CDH4: variants seen among roughly 807,000 people sequenced by gnomAD.
CDH4 encodes the protein cadherin-4.
A neutral mutation model predicts 86.0 loss-of-function variants in CDH4; 33 were observed. The observed-to-expected ratio is 0.38, with a 90% CI of 0.29 to 0.51. The LOEUF (loss-of-function observed/expected upper bound fraction) is 0.51. CDH4 is among the 20% of genes least tolerant of loss of function. The pLI is 0.86. For missense variants in CDH4, 1,114 were observed against 1,307.4 expected (o/e 0.85, Z 2.28); for synonymous variants, 555 against 549.4 (o/e 1.01, Z -0.14).
At chr20:61,645,536 G>A (rs2087052413) in intron 2 of CDH4, among the ~76,000 whole-genome samples, 2 of 152,022 alleles carry the variant, frequency 1.3e-5, no homozygotes, top group South Asian at 2.1e-4. Context: ...GGAGGCTGAG[G>A]CAGGAGGATA....
intron 4 of CDH4, among the ~76,000 whole-genome samples, chr20:61,817,988 T>C (rs1358502980): frequency 6.6e-6 from 1 of 152,070 alleles, no homozygotes; most frequent in East Asian, 1.9e-4. Flanking sequence ...GCCTCACACC[T>C]GGGGCAGCTG....
At chr20:61,752,853 G>A (rs932205433) in intron 3 of CDH4, among the ~76,000 whole-genome samples, 2 of 152,176 alleles carry the variant, frequency 1.3e-5, no homozygotes, top group Non-Finnish European at 2.9e-5. Flanking sequence ...CAGAGTTACA[G>A]TCGGTTGAGG....
chr20:61,819,407 G>A (rs778058478), intron 4 of CDH4, among the ~76,000 whole-genome samples: 2 of 152,236 alleles, frequency 1.3e-5, no homozygotes, highest in South Asian at 2.1e-4. Flanking sequence ...CCATGCATTC[G>A]CTCGCTCTGC....
rs1223512813 is a variant in CDH4, at chr20:61,810,676, C to T, written c.577-33992C>T. Reference sequence around the variant, plus strand: ...CAGGAACCACTCCAGGGCTATAAAACATTTAATTTTGGAAAAAATCAGTAC... The same window carrying T: ...CAGGAACCACTCCAGGGCTATAAAATATTTAATTTTGGAAAAAATCAGTAC... On this transcript the variant is annotated intron_variant, in intron 4 of 15. Transcript: ENST00000614565. This position sits in a 1 kb window ranked among gnomAD's most constrained non-coding sequence, Gnocchi z 4.3. 6.6e-6 allele frequency among the ~76,000 whole-genome samples: 1 copy of T among 152,216 alleles called. No homozygotes were observed. The highest frequency in any genetic ancestry group is 1.5e-5 in the Non-Finnish European group (1 of 68,046).
Position 61,480,568 on chromosome 20 carries a change from C to T in CDH4, c.169+225631C>T, listed in dbSNP as rs560960494. Among the ~76,000 whole-genome samples the T allele has an allele frequency of 2.0e-5, 3 of 152,320 alleles. No homozygotes were observed. Among genetic ancestry groups the T allele is most frequent in the Non-Finnish European group, 4.4e-5 (3 of 68,020 alleles). On this transcript the variant is annotated intron_variant, in intron 2 of 15. Coordinates refer to ENST00000614565, the MANE Select transcript of CDH4 (RefSeq NM_001794.5). This position sits in a 1 kb window ranked among gnomAD's most constrained non-coding sequence, Gnocchi z 5.2. Reference sequence around the variant, plus strand: ...AGTGGCAGCGAATCCCCGTCCTGACCGGGGCCTGGTGGCTGGCTGCCTGCT... The same window carrying T: ...AGTGGCAGCGAATCCCCGTCCTGACTGGGGCCTGGTGGCTGGCTGCCTGCT...
chr20:61,887,908 G>A (rs1402524116), intron 7 of CDH4, among the ~76,000 whole-genome samples: 1 of 152,226 alleles, frequency 6.6e-6, no homozygotes, highest in East Asian at 1.9e-4. Context: ...GGTGGCCGAG[G>A]GGGGCCGGTG....
chr20:61,318,242 T>C (rs753104892), intron 2 of CDH4, among the ~76,000 whole-genome samples: 15 of 152,204 alleles, frequency 9.9e-5, no homozygotes, highest in Non-Finnish European at 1.8e-4. Flanking sequence ...CTCTCCCGTA[T>C]GTTCCTCTCC....
chr20:61,296,181 AGTGTGTGC>A (rs139789898), intron 2 of CDH4, among the ~76,000 whole-genome samples: 4,051 of 151,746 alleles, frequency 0.027, 131 homozygotes, highest in East Asian at 0.13. Context: ...AATAAGTATG[AGTGTGTGC>A]GTGTGTGTGT....
chr20:61,271,246 G>A (rs1008866272), intron 2 of CDH4, among the ~76,000 whole-genome samples: 4 of 152,114 alleles, frequency 2.6e-5, no homozygotes, highest in African/African-American at 9.7e-5. Context: ...GCTTTACTTG[G>A]GATGCAAGTT....
At chr20:61,482,916 A>G (rs1000323) in intron 2 of CDH4, among the ~76,000 whole-genome samples, 52,648 of 152,128 alleles carry the variant, frequency 0.35, 11,113 homozygotes, top group Admixed American at 0.49. Flanking sequence ...CCCATTTTAC[A>G]GATCAAGAAG....
chr20:61,353,672 CCCTCCTCCTCCCCCTCCT>C (rs2084728383), intron 2 of CDH4, among the ~76,000 whole-genome samples: 2 of 21,556 alleles, frequency 9.3e-5, no homozygotes, highest in Non-Finnish European at 1.6e-4. Flanking sequence ...CTCCTCTTCC[CCCTCCTCCTCCCCCTCCT>C]CCTCCCCTCC....
intron 11 of CDH4, 47 bp from the exon 12 acceptor site, chr20:61,928,143 T>C (rs368483928): frequency 1.1e-5 from 16 of 1,462,232 alleles, no homozygotes; most frequent in South Asian, 7.9e-5. Context: ...GGGTTGGTCA[T>C]GGAGTACCAG....
intron 2 of CDH4, among the ~76,000 whole-genome samples, chr20:61,280,428 G>A (rs753509588): frequency 1.1e-4 from 17 of 152,228 alleles, no homozygotes; most frequent in South Asian, 6.2e-4. Context: ...GGTGTAGGCC[G>A]CGGCACACAC....
At position 61,565,321 on chromosome 20, in the gene CDH4, G is replaced by C. The variant is rs6121691; in HGVS notation, c.170-178242G>C. 4.1e-4 allele frequency among the ~76,000 whole-genome samples: 41 copies of C among 100,306 alleles called. 8 individuals are homozygous for C. Among genetic ancestry groups the C allele is most frequent in the Non-Finnish European group, 5.6e-4 (24 of 43,234 alleles). The allele number at this position is 100,306 out of a possible 152,430, so 65.8% of individuals were successfully genotyped here. A position where few individuals can be genotyped will look rare whatever the true frequency, so the allele number is the denominator to read the frequency against. On this transcript the variant is annotated intron_variant, in intron 2 of 15. Transcript: ENST00000614565. ...TGGCGGTGCTCTTGGTGGTGGCGGT[G>C]CTCTTGGTGATGGTGGTAGTGGTCC...
chr20:61,307,032 G>A (rs1239329958), intron 2 of CDH4, among the ~76,000 whole-genome samples: 1 of 152,212 alleles, frequency 6.6e-6, no homozygotes, highest in Non-Finnish European at 1.5e-5. Flanking sequence ...CCAGTCCATA[G>A]TGAGAGTAAG....
intron 2 of CDH4, among the ~76,000 whole-genome samples, chr20:61,489,509 G>A (rs770993899): frequency 1.3e-5 from 2 of 152,174 alleles, no homozygotes; most frequent in African/African-American, 2.4e-5. Flanking sequence ...CCTAATAGTC[G>A]TGATAAAGTG....
rs936184978 is a variant in CDH4, at chr20:61,928,323, G to A, written c.1905G>A (p.Ala635=). 3.7e-5 allele frequency: 60 copies of A among 1,609,756 alleles called. No individual in the cohort carries two copies. The highest frequency in any genetic ancestry group is 4.5e-5 in the Non-Finnish European group (53 of 1,179,384). The change falls in exon 12 of 16, where the codon GCG becomes GCA. Residue 635 remains alanine (A), a synonymous_variant. Transcript: ENST00000614565. The part of the protein sequence containing the change: ...KPNLNAINIT[A]ADADVDPNIG... ...ACCTGAACGCCATCAACATCACGGCGGCCGACGCTGACGTCGACCCCAACA... is the reference window on the plus strand; with the variant it reads ...ACCTGAACGCCATCAACATCACGGCAGCCGACGCTGACGTCGACCCCAACA...
chr20:61,797,551 G>A (rs1263551194), intron 4 of CDH4, among the ~76,000 whole-genome samples: 2 of 152,196 alleles, frequency 1.3e-5, no homozygotes, highest in Non-Finnish European at 2.9e-5. Context: ...AGTGCTTTGG[G>A]AGGCAGGTGG....
chr20:61,686,130 A>G (rs2087570799), intron 2 of CDH4, among the ~76,000 whole-genome samples: 1 of 152,226 alleles, frequency 6.6e-6, no homozygotes, highest in African/African-American at 2.4e-5. Context: ...TTTTCTGCCA[A>G]GAGAATGAGG....
Sources: gnomAD v4.1 joint callset for allele counts (sites outside exome capture counted in the v4.1 genomes callset) on GRCh38, gnomAD v4.1.1 for gene constraint, Gnocchi (gnomAD v3.1) non-coding constraint, MANE v1.5 for transcripts, NCBI Gene and HGNC (gene_info 2026-07-23, HGNC 2026-07-21) for gene names.